CORO2B: variants seen among roughly 807,000 people sequenced by gnomAD.
The protein encoded by CORO2B is coronin-2B.
CORO2B carries 26 observed loss-of-function variants against 58.8 expected under a neutral mutation model. The observed-to-expected ratio is 0.44, with a 90% CI of 0.32 to 0.61. The LOEUF (loss-of-function observed/expected upper bound fraction) is 0.61. CORO2B is among the 20% of genes least tolerant of loss of function. CORO2B has a pLI of 0.04. For missense variants in CORO2B, 460 were observed against 645.1 expected, an observed-to-expected ratio of 0.71 and a Z score of 3.11; for synonymous variants, 242 against 253.8, an observed-to-expected ratio of 0.95 and a Z score of 0.44.
chr15:68,715,389 T>G (rs1176325447), intron 8 of CORO2B, 78 bp downstream of exon 8: 2 of 1,028,006 alleles, frequency 1.9e-6, no homozygotes, highest in East Asian at 4.8e-5. Flanking sequence ...ACCCCCTCCC[T>G]TAAGTGGAAA....
the CORO2B span, among the ~76,000 whole-genome samples, chr15:68,553,563 T>C: frequency 3.9e-5 from 6 of 152,348 alleles, no homozygotes; most frequent in East Asian, 7.7e-4. Context: ...ATCTTAGTCC[T>C]ATGGCCTCCA....
intron 9 of CORO2B, 118 bp from the exon 10 acceptor site, chr15:68,719,026 G>T: frequency 2.2e-6 from 2 of 919,622 alleles, no homozygotes; most frequent in South Asian, 2.8e-5. Flanking sequence ...CAGTGCAAAG[G>T]CATAGAGGCA....
At chr15:68,543,888 C>T in the CORO2B span, among the ~76,000 whole-genome samples, 801 of 152,288 alleles carry the variant, frequency 5.3e-3, 6 homozygotes, top group Non-Finnish European at 7.2e-3. Flanking sequence ...CAGCCTTTCA[C>T]GCTGCCCAGG....
At chr15:68,533,893 C>T in the CORO2B span, among the ~76,000 whole-genome samples, 3 of 152,180 alleles carry the variant, frequency 2.0e-5, no homozygotes, top group Admixed American at 6.5e-5. Context: ...CCCTCACAAG[C>T]TTGTGCCCAG....
chr15:68,672,768 A>G (rs932061142), intron 2 of CORO2B, among the ~76,000 whole-genome samples: 1 of 152,144 alleles, frequency 6.6e-6, no homozygotes, highest in African/African-American at 2.4e-5. Flanking sequence ...ATCAGGCAGC[A>G]AACCAGGCCC....
At chr15:68,557,794 G>A in the CORO2B span, among the ~76,000 whole-genome samples, 4 of 152,202 alleles carry the variant, frequency 2.6e-5, no homozygotes, top group African/African-American at 7.2e-5. Context: ...TTTGCACCAC[G>A]CTAACTGGGA....
At chr15:68,557,256 T>C in the CORO2B span, among the ~76,000 whole-genome samples, 300 of 152,234 alleles carry the variant, frequency 2.0e-3, no homozygotes, top group African/African-American at 6.9e-3. Context: ...TTGGAAGGGT[T>C]AAGGTTCAGG....
At chr15:68,578,637 C>T, upstream of CORO2B, among the ~76,000 whole-genome samples, 1 of 152,070 alleles carries the variant, frequency 6.6e-6, no homozygotes, top group South Asian at 2.1e-4. This position sits in a 1 kb window ranked among gnomAD's most constrained non-coding sequence, Gnocchi z 4.2. Flanking sequence ...CCTTCTTTGC[C>T]CGCGCAGCGC....
At chr15:68,531,539 G>A in the CORO2B span, among the ~76,000 whole-genome samples, 4,093 of 54,798 alleles carry the variant, frequency 0.075, 142 homozygotes, top group Middle Eastern at 0.16. Flanking sequence ...AAGGAAGGAA[G>A]GAAGGAAGGA....
chr15:68,577,106 C>T (rs1447948367), upstream of CORO2B, among the ~76,000 whole-genome samples: 1 of 152,064 alleles, frequency 6.6e-6, no homozygotes, highest in Non-Finnish European at 1.5e-5. Context: ...AGAGGAGACG[C>T]CTGAGGTCTG....
chr15:68,534,829 G>A, the CORO2B span, among the ~76,000 whole-genome samples: 1 of 152,186 alleles, frequency 6.6e-6, no homozygotes, highest in Non-Finnish European at 1.5e-5. Context: ...GGCTGGGGAG[G>A]CCTCACAATC....
At chr15:68,594,787 C>T (rs1199435826) in intron 1 of CORO2B, among the ~76,000 whole-genome samples, 2 of 152,164 alleles carry the variant, frequency 1.3e-5, no homozygotes, top group Non-Finnish European at 2.9e-5. Context: ...CTGGAGAGGA[C>T]AGAAAGCCCT....
At chr15:68,602,329 T>C (rs1043969322) in intron 1 of CORO2B, among the ~76,000 whole-genome samples, 3 of 151,806 alleles carry the variant, frequency 2.0e-5, no homozygotes, top group Admixed American at 1.3e-4. Context: ...CTCTTGGTGC[T>C]GTGGAAGGGA....
At chr15:68,679,984 C>G (rs1902723814) in intron 2 of CORO2B, among the ~76,000 whole-genome samples, 1 of 152,196 alleles carries the variant, frequency 6.6e-6, no homozygotes, top group Non-Finnish European at 1.5e-5. Flanking sequence ...TCCATGACTT[C>G]CATGGGGACA....
At chr15:68,556,863 G>A in the CORO2B span, among the ~76,000 whole-genome samples, 2 of 152,138 alleles carry the variant, frequency 1.3e-5, no homozygotes, top group African/African-American at 4.8e-5. Context: ...CTCCTTGTGG[G>A]ATCCCTGGGC....
chr15:68,695,553 CT>C (rs1321647940), intron 3 of CORO2B, among the ~76,000 whole-genome samples: 6 of 152,112 alleles, frequency 3.9e-5, no homozygotes, highest in Admixed American at 6.6e-5. Flanking sequence ...TTTGTCTATG[CT>C]GTCTAAAGAA....
chr15:68,698,197 G>T (rs1892559182), intron 3 of CORO2B, among the ~76,000 whole-genome samples: 1 of 152,240 alleles, frequency 6.6e-6, no homozygotes, highest in Non-Finnish European at 1.5e-5. Context: ...TCGCTGCAAA[G>T]CCCATGCTCT....
the CORO2B span, among the ~76,000 whole-genome samples, chr15:68,534,553 A>G: frequency 6.6e-6 from 1 of 152,244 alleles, no homozygotes; most frequent in Non-Finnish European, 1.5e-5. Context: ...CCTGTCAGCC[A>G]GTCCAGGAAT....
At chr15:68,675,113 T>G (rs533917749) in intron 2 of CORO2B, among the ~76,000 whole-genome samples, 220 of 152,298 alleles carry the variant, frequency 1.4e-3, no homozygotes, top group Non-Finnish European at 2.3e-3. Flanking sequence ...CTCAGCTCCG[T>G]GAGCCACACT....
Sources: gnomAD v4.1 joint callset for allele counts (sites outside exome capture counted in the v4.1 genomes callset) on GRCh38, gnomAD v4.1.1 for gene constraint, Gnocchi (gnomAD v3.1) non-coding constraint, MANE v1.5 for transcripts, NCBI Gene and HGNC (gene_info 2026-07-23, HGNC 2026-07-21) for gene names.